The following BTRC variants were observed in gnomAD, a reference collection of about 807,000 sequenced individuals.
BTRC encodes beta-transducin repeat containing E3 ubiquitin protein ligase, also known as F-box/WD repeat-containing protein 1A.
A neutral mutation model predicts 85.5 loss-of-function variants in BTRC; 42 were observed. That is an observed-to-expected ratio of 0.49 (90% CI 0.38 to 0.64). The LOEUF is 0.64. Among genes scored for constraint, BTRC ranks in the 30% least tolerant of loss-of-function variants. BTRC has a pLI of 0.00. For missense variants in BTRC, 594 were observed against 743.5 expected, an observed-to-expected ratio of 0.80 and a Z score of 2.34; for synonymous variants, 255 against 263.3, an observed-to-expected ratio of 0.97 and a Z score of 0.30.
intron 4 of BTRC, among the ~76,000 whole-genome samples, chr10:101,515,435 C>T (rs1372789094): frequency 1.3e-5 from 2 of 152,012 alleles, no homozygotes; most frequent in African/African-American, 4.8e-5. Context: ...TGTATCTCTC[C>T]ATTTATTTAA....
At chr10:101,519,491 A>G (rs986319984) in intron 4 of BTRC, among the ~76,000 whole-genome samples, 1 of 152,084 alleles carries the variant, frequency 6.6e-6, no homozygotes, top group African/African-American at 2.4e-5. Flanking sequence ...CTAGAGACTG[A>G]CCACATTCCT....
chr10:101,490,642 C>T (rs1946106154), intron 4 of BTRC, among the ~76,000 whole-genome samples: 1 of 152,196 alleles, frequency 6.6e-6, no homozygotes, highest in South Asian at 2.1e-4. Flanking sequence ...CATTTCATTT[C>T]TATAGCACTT....
At position 101,525,927 on chromosome 10, in the gene BTRC, T is replaced by A. The variant is rs1004835875; in HGVS notation, c.557-86T>A. On this transcript the variant is annotated intron_variant, in intron 5 of 14. Coordinates refer to ENST00000370187, the MANE Select transcript of BTRC (RefSeq NM_033637.4). ...TGATGTGCCTTCATAGCAGAACAAA[T>A]GCTGTTCTGTTTTAAAGGACCTTTT... 5 of 1,290,324 alleles carry A rather than the reference T, an allele frequency of 3.9e-6. No homozygotes were observed. The African/African-American group carries it at 7.3e-5, about 19-fold the overall frequency. The allele number at this position is 1,290,324 out of a possible 1,614,324, so 79.9% of individuals were successfully genotyped here.
intron 4 of BTRC, among the ~76,000 whole-genome samples, chr10:101,484,549 A>G (rs1945932020): frequency 6.6e-6 from 1 of 152,214 alleles, no homozygotes; most frequent in South Asian, 2.1e-4. Flanking sequence ...TGCTATTTAT[A>G]AGGCATTTCA....
chr10:101,495,532 G>C (rs2134273073), intron 4 of BTRC, among the ~76,000 whole-genome samples: 1 of 152,356 alleles, frequency 6.6e-6, no homozygotes, highest in South Asian at 2.1e-4. Flanking sequence ...GCTAGAGGGA[G>C]CTCTAACCTT....
rs1229000099 is a variant in BTRC at position 101,474,287 on chromosome 10, GTAT to G, written c.235-5079_235-5077del. ...TATGACCTTGTGGAGGCTTGGTTTTGTATTTGTTAAGGTCAGGTGTATTTTGGT... is the reference window on the plus strand; with the variant it reads ...TATGACCTTGTGGAGGCTTGGTTTTGTTGTTAAGGTCAGGTGTATTTTGGT... On this transcript the variant is annotated intron_variant, in intron 3 of 14. Coordinates refer to ENST00000370187, the MANE Select transcript of BTRC (RefSeq NM_033637.4). 8.5e-5 allele frequency among the ~76,000 whole-genome samples: 13 copies of G among 152,122 alleles called. No individual in the cohort carries two copies. In the East Asian group the frequency reaches 2.5e-3, roughly 29 times the overall value.
chr10:101,523,820 T>G (rs1320269276), intron 5 of BTRC, among the ~76,000 whole-genome samples: 4 of 152,200 alleles, frequency 2.6e-5, no homozygotes, highest in Admixed American at 2.6e-4. Context: ...TCACAATGGT[T>G]GAAGCACATA....
intron 1 of BTRC, among the ~76,000 whole-genome samples, chr10:101,415,192 TTTTTGAGACAAGGTC>T (rs1436055029): frequency 1.3e-5 from 2 of 151,740 alleles, no homozygotes; most frequent in Admixed American, 1.3e-4. Context: ...TTTGTCTTTT[TTTTTGAGACAAGGTC>T]TTCTGTTGCC....
At chr10:101,426,829 C>T (rs10883649) in intron 1 of BTRC, among the ~76,000 whole-genome samples, 56,905 of 151,982 alleles carry the variant, frequency 0.37, 11,777 homozygotes, top group Middle Eastern at 0.49. Flanking sequence ...TTGCTGTATG[C>T]CATGCAGGTG....
At chr10:101,451,676 T>G (rs1295476613) in intron 2 of BTRC, among the ~76,000 whole-genome samples, 3 of 152,188 alleles carry the variant, frequency 2.0e-5, no homozygotes, top group Admixed American at 6.5e-5. Context: ...ACACCTAGTT[T>G]CCCTCAAGCT....
intron 13 of BTRC, among the ~76,000 whole-genome samples, chr10:101,541,712 C>A (rs1167273890): frequency 6.6e-6 from 1 of 152,090 alleles, no homozygotes; most frequent in Non-Finnish European, 1.5e-5. Flanking sequence ...CACTTTTATT[C>A]TGTTAATTGG....
At chr10:101,357,440 CAAAAAAA>C (rs11294551) in intron 1 of BTRC, among the ~76,000 whole-genome samples, 1 of 85,786 alleles carries the variant, frequency 1.2e-5, no homozygotes, top group Non-Finnish European at 2.2e-5. Context: ...GACTCTGTCT[CAAAAAAA>C]AAAAAAAAAA....
At chr10:101,530,204 C>T (rs1344206505) in intron 6 of BTRC, among the ~76,000 whole-genome samples, 1 of 152,170 alleles carries the variant, frequency 6.6e-6, no homozygotes, top group Non-Finnish European at 1.5e-5. Flanking sequence ...CAGCCAGGAA[C>T]ACACCTGTGA....
At chr10:101,436,006 C>G (rs1944519276) in intron 2 of BTRC, among the ~76,000 whole-genome samples, 1 of 152,014 alleles carries the variant, frequency 6.6e-6, no homozygotes. Context: ...AAATTGAAAC[C>G]ACAGCATTGA....
At chr10:101,456,119 C>T (rs1300636424) in intron 2 of BTRC, among the ~76,000 whole-genome samples, 1 of 151,022 alleles carries the variant, frequency 6.6e-6, no homozygotes, top group Non-Finnish European at 1.5e-5. Context: ...TGTAATGAGC[C>T]GAGGTCGCCA....
intron 3 of BTRC, among the ~76,000 whole-genome samples, chr10:101,478,977 T>C (rs1945767348): frequency 6.7e-6 from 1 of 150,198 alleles, no homozygotes; most frequent in Non-Finnish European, 1.5e-5. Context: ...GCCCTCTAAC[T>C]ACCTTCAGAT....
chr10:101,546,089 C>T (rs892856716), intron 13 of BTRC, among the ~76,000 whole-genome samples: 34 of 152,214 alleles, frequency 2.2e-4, no homozygotes, highest in African/African-American at 7.7e-4. Flanking sequence ...TCAGTAAGAA[C>T]ATAGTTGAAT....
intron 3 of BTRC, among the ~76,000 whole-genome samples, chr10:101,470,520 G>A (rs1246113000): frequency 6.6e-6 from 1 of 151,880 alleles, no homozygotes; most frequent in Non-Finnish European, 1.5e-5. Flanking sequence ...AGTAGAGACG[G>A]GGTTTCACCA....
At chr10:101,451,641 A>AT (rs1055409808) in intron 2 of BTRC, among the ~76,000 whole-genome samples, 1 of 151,938 alleles carries the variant, frequency 6.6e-6, no homozygotes, top group African/African-American at 2.4e-5. Context: ...TAGACAATAT[A>AT]TTTTTTCCCC....
Sources: allele counts gnomAD v4.1 joint callset (sites outside exome capture counted in the v4.1 genomes callset), GRCh38; gene constraint gnomAD v4.1.1; transcripts MANE v1.5; gene names NCBI Gene and HGNC (gene_info 2026-07-23, HGNC 2026-07-21).